The following ZBTB1 variants were observed in gnomAD, a reference collection of about 807,000 sequenced individuals.
ZBTB1 encodes zinc finger and BTB domain-containing protein 1.
In ZBTB1, 13 loss-of-function variants were observed where a neutral mutation model predicts 51.6. The ratio of observed to expected loss-of-function variants is 0.25; its 90% confidence interval spans 0.16 to 0.40. The LOEUF (loss-of-function observed/expected upper bound fraction) is 0.40, where lower values mean the gene tolerates loss of function less well. Ranked by LOEUF, ZBTB1 falls within the 10% of genes least tolerant of loss-of-function variation. The probability of loss-of-function intolerance (pLI) is 1.00; values close to 1 mark genes in which losing one functional copy is unlikely to be tolerated. For synonymous variants in ZBTB1, 240 were observed against 282.2 expected, an observed-to-expected ratio of 0.85 and a Z score of 1.50; for missense variants, 567 against 856.5, an observed-to-expected ratio of 0.66 and a Z score of 4.22.
chr14:64,514,159 T>C lies in ZBTB1; in HGVS notation c.-18-7328T>C, dbSNP rs140321762. 6.1e-4 allele frequency: 93 copies of C among 152,360 alleles called. 1 individual carries two copies. Among genetic ancestry groups the C allele is most frequent in the African/African-American group, 2.1e-3 (89 of 41,576 alleles). The allele number at this position is 152,360 out of a possible 1,614,324, so 9.4% of individuals were successfully genotyped here. On this transcript the variant is annotated intron_variant, in intron 1 of 1. Transcript: ENST00000683701. Reference sequence around the variant, plus strand: ...AATCCTTTCATTACATTTTAGACTTTTAAAATACTCTGTAATCCTCAAATC... The same window carrying C: ...AATCCTTTCATTACATTTTAGACTTCTAAAATACTCTGTAATCCTCAAATC...
At chr14:64,513,642 A>G (rs544907951) in intron 1 of ZBTB1, among the ~76,000 whole-genome samples, 32 of 152,176 alleles carry the variant, frequency 2.1e-4, no homozygotes, top group Middle Eastern at 3.4e-3. Flanking sequence ...GCTGAACTTT[A>G]TTCAATATAG....
rs1566627382 is a variant in ZBTB1, at chr14:64,504,889, C to T, written c.-76C>T. ...CCTTCGCCTTCGCCCGCCTTTCCCG[C>T]GGCTGATTTGCCTTAAACTCCCTAA... On this transcript the variant is annotated 5_prime_UTR_variant, in exon 1 of 2. Transcript: ENST00000683701. 3 of 396,682 alleles carry T rather than the reference C, an allele frequency of 7.6e-6. No homozygotes were observed. Among genetic ancestry groups the T allele is most frequent in the East Asian group, 7.2e-5 (2 of 27,914 alleles). 24.6% of individuals were successfully genotyped at this position (396,682 alleles called of 1,614,324 possible).
downstream of ZBTB1, among the ~76,000 whole-genome samples, chr14:64,528,459 C>T (rs1386363811): frequency 6.7e-6 from 1 of 150,280 alleles, no homozygotes; most frequent in Non-Finnish European, 1.5e-5. Context: ...ATGGCCAGTG[C>T]TCTCCAGACA....
intron 1 of ZBTB1, among the ~76,000 whole-genome samples, chr14:64,509,194 A>T (rs2079697170): frequency 6.6e-6 from 1 of 152,156 alleles, no homozygotes; most frequent in Non-Finnish European, 1.5e-5. Flanking sequence ...ACATGGCGAA[A>T]CCCTGTCTCT....
At chr14:64,527,985 G>T (rs895328679), downstream of ZBTB1, among the ~76,000 whole-genome samples, 1 of 152,100 alleles carries the variant, frequency 6.6e-6, no homozygotes, top group Non-Finnish European at 1.5e-5. Context: ...TGTAAGTAAT[G>T]ATGAGAGAGG....
chr14:64,518,963 AC>A (rs2079828657), intron 1 of ZBTB1, among the ~76,000 whole-genome samples: 2 of 123,000 alleles, frequency 1.6e-5, no homozygotes, highest in African/African-American at 5.4e-5. Flanking sequence ...GTTAAAAAAC[AC>A]AACAAAAGCA....
At chr14:64,526,105 ACCGTGC>A (rs199820284), downstream of ZBTB1, among the ~76,000 whole-genome samples, 3,773 of 152,126 alleles carry the variant, frequency 0.025, 53 homozygotes, top group Middle Eastern at 0.054. Flanking sequence ...GGCATGAGCC[ACCGTGC>A]CCGGCCACCT....
At chr14:64,515,140 G>A (rs2079767295) in intron 1 of ZBTB1, among the ~76,000 whole-genome samples, 1 of 152,192 alleles carries the variant, frequency 6.6e-6, no homozygotes, top group Non-Finnish European at 1.5e-5. Flanking sequence ...TCTGCACAGT[G>A]GGTATCCTTC....
At chr14:64,504,274 G>A (rs1366391099), upstream of ZBTB1, among the ~76,000 whole-genome samples, 1 of 151,930 alleles carries the variant, frequency 6.6e-6, no homozygotes, top group East Asian at 2.0e-4. Context: ...GGGGGCGCGG[G>A]GACTGGGCGA....
chr14:64,515,219 G>A (rs971874735), intron 1 of ZBTB1, among the ~76,000 whole-genome samples: 8 of 152,142 alleles, frequency 5.3e-5, no homozygotes, highest in Admixed American at 3.3e-4. Flanking sequence ...AGTCCTTTGA[G>A]TCACATTGGA....
At chr14:64,531,314 T>C (rs753188215) in intron 2 of ZBTB1, among the ~76,000 whole-genome samples, 4 of 152,122 alleles carry the variant, frequency 2.6e-5, no homozygotes, top group Non-Finnish European at 5.9e-5. Flanking sequence ...TTACTCAGAA[T>C]CACTAGGGCA....
intron 1 of ZBTB1, among the ~76,000 whole-genome samples, chr14:64,514,965 T>G (rs1031114019): frequency 6.6e-6 from 1 of 152,216 alleles, no homozygotes; most frequent in African/African-American, 2.4e-5. Context: ...CTAGATTAGA[T>G]CTCTCTAAGC....
chr14:64,528,650 T>C (rs2079922188), downstream of ZBTB1, among the ~76,000 whole-genome samples: 2 of 152,192 alleles, frequency 1.3e-5, no homozygotes, highest in Admixed American at 6.5e-5. Context: ...TGAAATTGCA[T>C]CCCATATTTG....
chr14:64,524,063 T>G lies in ZBTB1; in HGVS notation c.*417T>G, dbSNP rs1349849154. On this transcript the variant is annotated 3_prime_UTR_variant, in exon 2 of 2. Coordinates refer to ENST00000683701, the MANE Select transcript of ZBTB1 (RefSeq NM_001123329.2). ...TTCTGTTTAAATTTTAAAAATTCCT[T>G]AAGTAATTATTTGAAACTATCCCGT... 1.0e-6 allele frequency: 1 copy of G among 984,606 alleles called. No individual in the cohort carries two copies. The highest frequency in any genetic ancestry group is 1.2e-6 in the Non-Finnish European group (1 of 829,388). The allele number at this position is 984,606 out of a possible 1,614,324, so 61.0% of individuals were successfully genotyped here. A position where few individuals can be genotyped will look rare whatever the true frequency, so the allele number is the denominator to read the frequency against.
At chr14:64,531,492 T>G (rs544274824) in intron 2 of ZBTB1, among the ~76,000 whole-genome samples, 1 of 152,296 alleles carries the variant, frequency 6.6e-6, no homozygotes, top group Non-Finnish European at 1.5e-5. Context: ...CAATCAGAGA[T>G]TTGTCATTAA....
downstream of ZBTB1, among the ~76,000 whole-genome samples, chr14:64,526,883 A>T (rs1158668586): frequency 1.3e-5 from 2 of 151,994 alleles, no homozygotes; most frequent in Non-Finnish European, 2.9e-5. Flanking sequence ...CTCTAAAAAA[A>T]AAATTTGTTT....
intron 1 of ZBTB1, among the ~76,000 whole-genome samples, chr14:64,516,133 G>T (rs1232464672): frequency 6.6e-6 from 1 of 152,186 alleles, no homozygotes; most frequent in African/African-American, 2.4e-5. Flanking sequence ...TATTCAGAAG[G>T]TGTGAGGTGG....
Position 64,522,280 on chromosome 14 carries a change from G to A in ZBTB1, c.776G>A (p.Gly259Glu), listed in dbSNP as rs931191863. The change falls in exon 2 of 2, where the codon GGA (glycine) becomes GAA (glutamate). Residue 259 changes from glycine (G) to glutamate (E), a missense_variant. Physicochemically the swap from Gly to Glu is moderately conservative, Grantham distance 98. Around this residue, in one of 5 missense-constraint regions of ZBTB1, gnomAD observed 329 missense variants for 406.3 expected, o/e 0.81. Coordinates refer to ENST00000683701, the MANE Select transcript of ZBTB1 (RefSeq NM_001123329.2). ...CATAGAATAGTAGATATTAGAGATG[G>A]AAAAGACAGTAACATCAAAGCTGAA... ...SYHRIVDIRD[G>E]KDSNIKAEFG... 4 of 1,614,004 alleles carry A rather than the reference G, an allele frequency of 2.5e-6. No individual in the cohort carries two copies. The African/African-American group carries it at 4.0e-5, about 16-fold the overall frequency.
At position 64,504,881 on chromosome 14, in the gene ZBTB1, C is replaced by T. The variant is rs901446268; in HGVS notation, c.-84C>T. Reference sequence around the variant, plus strand: ...TCGCGGCCCCTTCGCCTTCGCCCGCCTTTCCCGCGGCTGATTTGCCTTAAA... The same window carrying T: ...TCGCGGCCCCTTCGCCTTCGCCCGCTTTTCCCGCGGCTGATTTGCCTTAAA... On this transcript the variant is annotated 5_prime_UTR_variant, in exon 1 of 2. Coordinates refer to ENST00000683701, the MANE Select transcript of ZBTB1 (RefSeq NM_001123329.2). The T allele has an allele frequency of 1.3e-5, 5 of 396,916 alleles. No individual in the cohort carries two copies. The highest frequency in any genetic ancestry group is 8.2e-5 in the African/African-American group (4 of 48,566). 24.6% of individuals were successfully genotyped at this position (396,916 alleles called of 1,614,324 possible).
Sources: gnomAD v4.1 joint callset for allele counts (sites outside exome capture counted in the v4.1 genomes callset) on GRCh38, gnomAD v4.1.1 for gene constraint, gnomAD v4.1.1 regional missense constraint, MANE v1.5 for transcripts, NCBI Gene and HGNC (gene_info 2026-07-23, HGNC 2026-07-21) for gene names.